CDH13: variants seen among roughly 807,000 people sequenced by gnomAD.
CDH13 encodes the protein cadherin-13.
A neutral mutation model predicts 63.8 loss-of-function variants in CDH13; 24 were observed. That is an observed-to-expected ratio of 0.38 (90% CI 0.27 to 0.53). CDH13 has a LOEUF of 0.53. Ranked by LOEUF, CDH13 falls within the 20% of genes least tolerant of loss-of-function variation. The pLI is 0.85. For missense variants in CDH13, 1,049 were observed against 903.1 expected (o/e 1.16, Z -2.07); for synonymous variants, 503 against 355.3 (o/e 1.42, Z -4.67).
chr16:83,579,386 G>A (rs1177910990), intron 7 of CDH13, among the ~76,000 whole-genome samples: 1 of 152,180 alleles, frequency 6.6e-6, no homozygotes, highest in Non-Finnish European at 1.5e-5. Context: ...TGTACGGGAA[G>A]CATGGCTAGG....
At chr16:82,878,763 A>G (rs1178517340) in intron 2 of CDH13, among the ~76,000 whole-genome samples, 1 of 151,898 alleles carries the variant, frequency 6.6e-6, no homozygotes, top group Non-Finnish European at 1.5e-5. Flanking sequence ...AGATATTGCC[A>G]TCTTTTCCAT....
At chr16:83,589,778 C>T (rs1229028612) in intron 7 of CDH13, among the ~76,000 whole-genome samples, 2 of 152,126 alleles carry the variant, frequency 1.3e-5, no homozygotes, top group Admixed American at 6.5e-5. Flanking sequence ...GAGAAACACT[C>T]ACCGTGCCAT....
intron 2 of CDH13, among the ~76,000 whole-genome samples, chr16:82,944,469 G>A (rs1188703828): frequency 6.6e-6 from 1 of 152,170 alleles, no homozygotes; most frequent in Admixed American, 6.5e-5. Flanking sequence ...TTCTAGACTG[G>A]AGTGAGGGTC....
chr16:83,743,152 G>A (rs1005604405), intron 10 of CDH13, among the ~76,000 whole-genome samples: 2 of 152,096 alleles, frequency 1.3e-5, no homozygotes, highest in Non-Finnish European at 2.9e-5. Flanking sequence ...GGTTGCAGTG[G>A]GCTGAGATCG....
intron 1 of CDH13, among the ~76,000 whole-genome samples, chr16:82,671,097 A>G (rs1247209166): frequency 6.6e-6 from 1 of 151,598 alleles, no homozygotes. Flanking sequence ...GGGGAAAGTC[A>G]TCAAGCCAGA....
intron 6 of CDH13, among the ~76,000 whole-genome samples, chr16:83,428,393 T>A (rs1285055276): frequency 1.3e-5 from 2 of 152,286 alleles, no homozygotes; most frequent in East Asian, 3.9e-4. Context: ...AACTCCAATA[T>A]TTTCCTGAGT....
At chr16:83,155,763 GCAAA>G (rs1345171296) in intron 4 of CDH13, among the ~76,000 whole-genome samples, 1 of 152,206 alleles carries the variant, frequency 6.6e-6, no homozygotes, top group Non-Finnish European at 1.5e-5. Flanking sequence ...AGACTGAACT[GCAAA>G]CAGATGATAT....
intron 4 of CDH13, among the ~76,000 whole-genome samples, chr16:83,148,441 A>T (rs73604258): frequency 0.052 from 7,904 of 152,218 alleles, 666 homozygotes; most frequent in African/African-American, 0.18. Flanking sequence ...GGATAAAATA[A>T]TGTCTGTGGA....
intron 6 of CDH13, among the ~76,000 whole-genome samples, chr16:83,467,382 C>T (rs1338904506): frequency 6.6e-6 from 1 of 152,074 alleles, no homozygotes; most frequent in African/African-American, 2.4e-5. Flanking sequence ...TATGTGTGAG[C>T]GGATGTCACA....
intron 2 of CDH13, among the ~76,000 whole-genome samples, chr16:83,025,184 T>C (rs1405302527): frequency 1.3e-5 from 2 of 152,228 alleles, no homozygotes; most frequent in African/African-American, 4.8e-5. Flanking sequence ...TAGGCATGCA[T>C]TATCTTGTTT....
chr16:82,983,856 G>C (rs1910600437), intron 2 of CDH13, among the ~76,000 whole-genome samples: 1 of 152,194 alleles, frequency 6.6e-6, no homozygotes, highest in South Asian at 2.1e-4. Flanking sequence ...ATTTGCTCAT[G>C]GACCTTTCAG....
intron 6 of CDH13, among the ~76,000 whole-genome samples, chr16:83,482,763 T>C (rs2151557442): frequency 6.6e-6 from 1 of 152,246 alleles, no homozygotes; most frequent in Non-Finnish European, 1.5e-5. Flanking sequence ...TGCACGTGTG[T>C]GTGTGTTGTT....
At chr16:83,085,547 C>A (rs1436753032) in intron 3 of CDH13, among the ~76,000 whole-genome samples, 1 of 152,190 alleles carries the variant, frequency 6.6e-6, no homozygotes, top group Non-Finnish European at 1.5e-5. Context: ...TATCAAAAAC[C>A]ACTAGAAGTC....
At chr16:82,867,999 G>T (rs2040210394) in intron 2 of CDH13, among the ~76,000 whole-genome samples, 1 of 152,024 alleles carries the variant, frequency 6.6e-6, no homozygotes, top group Non-Finnish European at 1.5e-5. Flanking sequence ...CCCATTTTCT[G>T]GTCATTCTTC....
intron 4 of CDH13, among the ~76,000 whole-genome samples, chr16:83,129,175 G>A (rs1225863464): frequency 3.9e-5 from 6 of 152,166 alleles, no homozygotes. Context: ...TGGGGAGGCA[G>A]GGAGAAGGGA....
chr16:83,533,502 C>T (rs1005206797), intron 7 of CDH13, among the ~76,000 whole-genome samples: 1 of 151,920 alleles, frequency 6.6e-6, no homozygotes, highest in African/African-American at 2.4e-5. Context: ...TCTCAGCTCT[C>T]ATAATAGCTC....
chr16:83,289,724 T>C (rs950233719), intron 5 of CDH13, among the ~76,000 whole-genome samples: 1 of 152,214 alleles, frequency 6.6e-6, no homozygotes, highest in Non-Finnish European at 1.5e-5. Context: ...GTTTAGCTTC[T>C]TGGTGTCTCA....
chr16:83,074,450 A>G (rs890778981), intron 3 of CDH13, among the ~76,000 whole-genome samples: 12 of 152,230 alleles, frequency 7.9e-5, no homozygotes, highest in South Asian at 4.1e-4. Context: ...TAGTGCTACA[A>G]TAAACATTAG....
intron 1 of CDH13, among the ~76,000 whole-genome samples, chr16:82,631,189 C>T (rs890998231): frequency 1.3e-5 from 2 of 152,234 alleles, no homozygotes; most frequent in Middle Eastern, 3.4e-3. Flanking sequence ...CTCTGTATCC[C>T]CTCTGAGTAT....
Sources: allele counts gnomAD v4.1 joint callset (sites outside exome capture counted in the v4.1 genomes callset), GRCh38; gene constraint gnomAD v4.1.1; transcripts MANE v1.5; gene names NCBI Gene and HGNC (gene_info 2026-07-23, HGNC 2026-07-21).